POLQ: variants seen among roughly 807,000 people sequenced by gnomAD.
POLQ encodes epididymis secretory sperm binding protein.
POLQ carries 233 observed loss-of-function variants against 259.2 expected under a neutral mutation model. The observed-to-expected ratio is 0.90, with a 90% confidence interval of 0.81 to 1.00. POLQ has a LOEUF of 1.00. Ranked by LOEUF, POLQ falls within the 50% of genes least tolerant of loss-of-function variation. POLQ has a pLI of 0.00. For missense variants in POLQ, 2,871 were observed against 3,051.6 expected (o/e 0.94, Z 1.39); for synonymous variants, 1,025 against 1,048.8 (o/e 0.98, Z 0.44).
intron 26 of POLQ, among the ~76,000 whole-genome samples, chr3:121,448,614 C>G (rs1196063256): frequency 6.6e-6 from 1 of 152,024 alleles, no homozygotes; most frequent in Admixed American, 6.6e-5. Flanking sequence ...ATCTGTCCAC[C>G]TCAGCCTCCC....
At position 121,487,677 on chromosome 3, in the gene POLQ, T is replaced by A; in HGVS notation, c.5254A>T (p.Ile1752Phe). The A allele has an allele frequency of 6.2e-7, 1 of 1,613,642 alleles. No homozygotes were observed. The change falls in exon 16 of 30, where the codon ATT becomes TTT. Residue 1752 changes from isoleucine to phenylalanine, a missense_variant. Ile to Phe is a conservative substitution (Grantham distance 21). Around this residue, in one of 3 missense-constraint regions of POLQ, gnomAD observed 2,080 missense variants for 2,126.0 expected, o/e 0.98. Transcript: ENST00000264233. Reference protein sequence around the residue: ...TSASKLTFPGILETPVNPWKT... With the variant: ...TSASKLTFPGFLETPVNPWKT... The stretch of plus-strand genomic sequence containing the variant: ...CAAGGGTTTACAGGTGTTTCAAGAA[T>A]CCCTGGAAATGTCAGCTTAGAAGCA...
chr3:121,533,076 G>T lies in POLQ; in HGVS notation c.874C>A (p.Leu292Ile), dbSNP rs1168993983. The change falls in exon 6 of 30, where the codon CTT (leucine) becomes ATT (isoleucine). Residue 292 changes from leucine to isoleucine, a missense_variant. Coordinates refer to ENST00000264233, the MANE Select transcript of POLQ (RefSeq NM_199420.4). Reference sequence around the variant, plus strand: ...TTTCCAACTTTTACTGACTCCAAAAGCGGTACAGGGCGAAAGTCGGTATGG... The same window carrying T: ...TTTCCAACTTTTACTGACTCCAAAATCGGTACAGGGCGAAAGTCGGTATGG... ...LYHTDFRPVP[L>I]LESVKVGNSI... 2.0e-5 allele frequency: 32 copies of T among 1,613,848 alleles called. No individual in the cohort carries two copies. The highest frequency in any genetic ancestry group is 2.7e-5 in the African/African-American group (2 of 74,898).
intron 24 of POLQ, among the ~76,000 whole-genome samples, chr3:121,466,034 A>C (rs1411237146): frequency 6.6e-6 from 1 of 152,214 alleles, no homozygotes; most frequent in Non-Finnish European, 1.5e-5. Context: ...TGCAAAGGAA[A>C]AGTTCTTGAA....
At chr3:121,463,201 C>T (rs1167451399) in intron 24 of POLQ, among the ~76,000 whole-genome samples, 1 of 152,140 alleles carries the variant, frequency 6.6e-6, no homozygotes, top group Non-Finnish European at 1.5e-5. Flanking sequence ...TGGTTTCCCC[C>T]ATACTGTTCT....
At chr3:121,476,455 TACACACAC>T (rs71678533) in intron 20 of POLQ, 77 bp downstream of exon 20, 594 of 724,686 alleles carry the variant, frequency 8.2e-4, no homozygotes, top group South Asian at 2.1e-3. Context: ...TTCAGGTAAA[TACACACAC>T]ACACACACAC....
At chr3:121,457,655 C>T (rs2047753702) in intron 25 of POLQ, among the ~76,000 whole-genome samples, 1 of 152,182 alleles carries the variant, frequency 6.6e-6, no homozygotes, top group Admixed American at 6.5e-5. Context: ...CACTGGCCAT[C>T]AGAGAAATGC....
rs147369178 is a variant in POLQ, at chr3:121,494,276, C to T, written c.2279-555G>A. On this transcript the variant is annotated intron_variant, in intron 14 of 29. Transcript: ENST00000264233. Reference sequence around the variant, plus strand: ...AAGAGACCTCACCCGCTTTGTGAAACGGCCCCGCTATATCAGGTTGCAGCG... The same window carrying T: ...AAGAGACCTCACCCGCTTTGTGAAATGGCCCCGCTATATCAGGTTGCAGCG... 15,430 of 1,593,152 alleles carry T rather than the reference C, an allele frequency of 9.7e-3. 121 individuals carry two copies. Among genetic ancestry groups the T allele is most frequent in the Middle Eastern group, 0.018 (81 of 4,470 alleles).
At chr3:121,453,918 A>G (rs2047705077) in intron 25 of POLQ, among the ~76,000 whole-genome samples, 1 of 152,194 alleles carries the variant, frequency 6.6e-6, no homozygotes, top group Non-Finnish European at 1.5e-5. Flanking sequence ...CAACTCCAAG[A>G]CACATAATTG....
chr3:121,472,560 T>C (rs532958932), intron 21 of POLQ, among the ~76,000 whole-genome samples: 2 of 152,356 alleles, frequency 1.3e-5, no homozygotes, highest in South Asian at 4.1e-4. Context: ...TTATACGGTT[T>C]CCATATCAAG....
At position 121,432,037 on chromosome 3, in the gene POLQ, G is replaced by GT. The variant is rs1376659383; in HGVS notation, c.*266dup. 2.9e-5 allele frequency: 10 copies of GT among 348,986 alleles called. No individual in the cohort carries two copies. Among genetic ancestry groups the GT allele is most frequent in the Non-Finnish European group, 4.6e-5 (9 of 196,764 alleles). The allele number at this position is 348,986 out of a possible 1,614,324, so 21.6% of individuals were successfully genotyped here. On this transcript the variant is annotated 3_prime_UTR_variant, in exon 30 of 30. Transcript: ENST00000264233. Reference sequence around the variant, plus strand: ...TGTTCTGAATATGTTTAAAGCCACAGTAAGTTACAAAAGGCAAATTCATAG... The same window carrying GT: ...TGTTCTGAATATGTTTAAAGCCACAGTTAAGTTACAAAAGGCAAATTCATAG...
Position 121,490,424 on chromosome 3 carries a change from G to T in POLQ, c.2523-16C>A, listed in dbSNP as rs1344423523. 6.3e-7 allele frequency: 1 copy of T among 1,594,950 alleles called. No individual in the cohort carries two copies. Among genetic ancestry groups the T allele is most frequent in the Admixed American group, 1.7e-5 (1 of 59,206 alleles). On this transcript the variant is annotated splice_polypyrimidine_tract_variant and intron_variant, in intron 15 of 29. Transcript: ENST00000264233. ...CTTCCGGGCACTACACAAGGAGATG[G>T]GAAAAGACAGAAATGAATTCATTCA...
At chr3:121,518,061 C>T (rs13077305) in intron 9 of POLQ, among the ~76,000 whole-genome samples, 105,009 of 151,952 alleles carry the variant, frequency 0.69, 36,474 homozygotes, top group East Asian at 0.89. Flanking sequence ...CCAAGGAAAA[C>T]AGATGATTAG....
intron 11 of POLQ, 70 bp from the exon 12 acceptor site, chr3:121,509,773 T>C (rs1410100920): frequency 6.8e-7 from 1 of 1,462,574 alleles, no homozygotes; most frequent in Non-Finnish European, 9.4e-7. Context: ...AATACTATCT[T>C]TCTGTTTTCC....
At chr3:121,506,972 C>T (rs959659380) in intron 12 of POLQ, among the ~76,000 whole-genome samples, 4 of 151,510 alleles carry the variant, frequency 2.6e-5, no homozygotes. Context: ...CCAAGATACA[C>T]TGTTAAGAAA....
rs1426603372 is a variant in POLQ at position 121,433,016 on chromosome 3, T to C, written c.7561A>G (p.Lys2521Glu). Residue 2521 changes from lysine (K) to glutamate (E), a missense_variant, in exon 29 of 30, where the codon AAA (lysine) becomes GAA (glutamate). By Grantham distance (56) the Lys-to-Glu change is moderately conservative (BLOSUM62 1). Transcript: ENST00000264233. ...ATTGGGCAGAACATCCCTTGCAGTT[T>C]TCTCTTTCGTGACAATCCTACTTCA... ...SDQTGLSRKR[K>E]LQGMFCPIRG... 2 of 1,607,672 alleles carry C rather than the reference T, an allele frequency of 1.2e-6. No individual in the cohort carries two copies. Among genetic ancestry groups the C allele is most frequent in the African/African-American group, 2.7e-5 (2 of 74,798 alleles).
At chr3:121,522,184 T>C (rs1419105594) in intron 7 of POLQ, 35 bp from the exon 8 acceptor site, 7 of 1,498,758 alleles carry the variant, frequency 4.7e-6, no homozygotes, top group Non-Finnish European at 6.3e-6. Context: ...CATTTGCTTC[T>C]AACTCAGCTT....
In POLQ at chr3:121,433,079, C is replaced by A; in HGVS notation, c.7544-46G>T. 3 of 997,082 alleles carry A rather than the reference C, an allele frequency of 3.0e-6. No homozygotes were observed. The South Asian group carries it at 3.9e-5, about 13-fold the overall frequency. 61.8% of individuals were successfully genotyped at this position (997,082 alleles called of 1,614,324 possible). ...AAAACTGATCAGCATGTCGCTAAGT[C>A]ATAGGAGAATGTTTTTAGAGATTCT... On this transcript the variant is annotated intron_variant, in intron 28 of 29. Transcript: ENST00000264233.
intron 12 of POLQ, 141 bp downstream of exon 12, chr3:121,509,420 C>A: frequency 1.9e-6 from 1 of 523,618 alleles, no homozygotes; most frequent in Non-Finnish European, 3.2e-6. Context: ...TATCTTCTTA[C>A]CTCTTCTCTA....
chr3:121,455,979 C>T (rs1424760028), intron 25 of POLQ, among the ~76,000 whole-genome samples: 1 of 152,074 alleles, frequency 6.6e-6, no homozygotes, highest in Admixed American at 6.5e-5. Flanking sequence ...TGCAAAAATC[C>T]TCAATAAAAT....
Sources: allele counts gnomAD v4.1 joint callset (sites outside exome capture counted in the v4.1 genomes callset), GRCh38; gene constraint gnomAD v4.1.1; regional missense constraint gnomAD v4.1.1; transcripts MANE v1.5; gene names NCBI Gene and HGNC (gene_info 2026-07-23, HGNC 2026-07-21).